Variants in ISG20L2 observed in about 807,000 individuals in gnomAD.
The protein encoded by ISG20L2 is interferon-stimulated 20 kDa exonuclease-like 2.
In ISG20L2, 14 loss-of-function variants were observed where a neutral mutation model predicts 27.8. The observed-to-expected ratio is 0.50, with a 90% CI of 0.33 to 0.79. The LOEUF (loss-of-function observed/expected upper bound fraction) is 0.79. Among genes scored for constraint, ISG20L2 ranks in the 30% least tolerant of loss-of-function variants. The pLI is 0.02. For missense variants in ISG20L2, 393 were observed against 435.1 expected, an observed-to-expected ratio of 0.90 and a Z score of 0.86; for synonymous variants, 157 against 165.7, an observed-to-expected ratio of 0.95 and a Z score of 0.40.
At chr1:156,724,432 T>TC in intron 2 of ISG20L2, 84 bp from the exon 3 acceptor site, 1 of 1,416,194 alleles carries the variant, frequency 7.1e-7, no homozygotes, top group Non-Finnish European at 9.5e-7. Flanking sequence ...TGACCATCAA[T>TC]CCCTTCTGGA....
Position 156,723,432 on chromosome 1 carries a change from C to T in ISG20L2, c.979G>A (p.Asp327Asn). The T allele has an allele frequency of 6.2e-7, 1 of 1,614,192 alleles. No homozygotes were observed. Among genetic ancestry groups the T allele is most frequent in the Non-Finnish European group, 8.5e-7 (1 of 1,180,026 alleles). The change falls in exon 4 of 4, where the codon GAT becomes AAT. Residue 327 changes from aspartate to asparagine, a missense_variant. Asp to Asn is a conservative substitution (Grantham distance 23). Transcript: ENST00000368219. ...VGKSGHSSVE[D>N]AQATMELYKL... ...TATAGCTCCATGGTGGCCTGGGCAT[C>T]TTCCACAGAGGAATGTCCGCTCTTC...
In ISG20L2 at chr1:156,727,786, T is replaced by C; in HGVS notation, c.-117-17A>G. On this transcript the variant is annotated splice_polypyrimidine_tract_variant and intron_variant, in intron 1 of 3. Coordinates refer to ENST00000368219, the MANE Select transcript of ISG20L2 (RefSeq NM_001370150.2). ...TAGTACACCCTGGGGAAGAAAGTGA[T>C]CCTGGTAATTGAGCTCCTAGGCCTG... The C allele has an allele frequency of 6.7e-7, 1 of 1,484,838 alleles. No homozygotes were observed. The allele number at this position is 1,484,838 out of a possible 1,614,324, so 92.0% of individuals were successfully genotyped here.
Position 156,727,702 on chromosome 1 carries a change from A to G in ISG20L2, c.-50T>C. ...AGTTGGGAAGAGTGGCTTATGGATGAAAAGAGGATGTGGGACTCATTCTCT... is the reference window on the plus strand; with the variant it reads ...AGTTGGGAAGAGTGGCTTATGGATGGAAAGAGGATGTGGGACTCATTCTCT... On this transcript the variant is annotated 5_prime_UTR_variant, in exon 2 of 4. Coordinates refer to ENST00000368219, the MANE Select transcript of ISG20L2 (RefSeq NM_001370150.2). 1.3e-6 allele frequency: 2 copies of G among 1,571,802 alleles called. No homozygotes were observed. The highest frequency in any genetic ancestry group is 1.7e-6 in the Non-Finnish European group (2 of 1,164,680).
At position 156,727,359 on chromosome 1, in the gene ISG20L2, C is replaced by T; in HGVS notation, c.294G>A (p.Val98=). Residue 98 remains valine, a synonymous_variant, in exon 2 of 4, where the codon GTG becomes GTA. Coordinates refer to ENST00000368219, the MANE Select transcript of ISG20L2 (RefSeq NM_001370150.2). ...TTGAAGGGGCAGGGGTCAACCAAGA[C>T]ACTGCAGCTTTCTTGTCCAGGGGCT... ...SGQPLDKKAA[V]SWLTPAPSKK... 1 of 1,614,220 alleles carries T rather than the reference C, an allele frequency of 6.2e-7. No individual in the cohort carries two copies. Among genetic ancestry groups the T allele is most frequent in the Admixed American group, 1.7e-5 (1 of 60,022 alleles).
At position 156,723,459 on chromosome 1, in the gene ISG20L2, C is replaced by T. The variant is rs746888212; in HGVS notation, c.952G>A (p.Gly318Arg). Residue 318 changes from glycine (G) to arginine (R), a missense_variant, in exon 4 of 4, where the codon GGG becomes AGG. Physicochemically the swap from Gly to Arg is moderately radical, Grantham distance 125. Around this residue, in one of 3 missense-constraint regions of ISG20L2, gnomAD observed 171 missense variants for 195.3 expected, o/e 0.88. Coordinates refer to ENST00000368219, the MANE Select transcript of ISG20L2 (RefSeq NM_001370150.2). ...TCCACAGAGGAATGTCCGCTCTTCC[C>T]AACCTGAGCAAGCAAGGAAGACAAG... ...KKLLNRDIQV[G>R]KSGHSSVEDA... The T allele has an allele frequency of 6.2e-7, 1 of 1,614,062 alleles. No individual in the cohort carries two copies. Among genetic ancestry groups the T allele is most frequent in the East Asian group, 2.2e-5 (1 of 44,884 alleles).
rs1400602612 is a variant in ISG20L2 at position 156,722,018 on chromosome 1, G to C, written c.*1331C>G. On this transcript the variant is annotated 3_prime_UTR_variant, in exon 4 of 4. Coordinates refer to ENST00000368219, the MANE Select transcript of ISG20L2 (RefSeq NM_001370150.2). ...AATTATTTTAAAACCTACCAACTGG[G>C]GCCTAAATGAAATAAACCCCCTATT... 1 of 152,002 alleles carries C rather than the reference G, an allele frequency of 6.6e-6. No individual in the cohort carries two copies. The highest frequency in any genetic ancestry group is 1.5e-5 in the Non-Finnish European group (1 of 68,012). 9.4% of individuals were successfully genotyped at this position (152,002 alleles called of 1,614,324 possible).
chr1:156,723,649 A>T, intron 3 of ISG20L2, 187 bp from the exon 4 acceptor site: 1 of 985,418 alleles, frequency 1.0e-6, no homozygotes, highest in Non-Finnish European at 1.2e-6. Flanking sequence ...ACTCCTAGGA[A>T]GTCTTTGCCA....
At chr1:156,723,846 G>T in intron 3 of ISG20L2, 1 of 1,259,710 alleles carries the variant, frequency 7.9e-7, no homozygotes, top group Non-Finnish European at 1.0e-6. Flanking sequence ...AATATAGCGT[G>T]TAAAATACGA....
Position 156,728,509 on chromosome 1 carries a change from T to C in ISG20L2, c.-212A>G. On this transcript the variant is annotated 5_prime_UTR_variant, in exon 1 of 4. Coordinates refer to ENST00000368219, the MANE Select transcript of ISG20L2 (RefSeq NM_001370150.2). The stretch of plus-strand genomic sequence containing the variant: ...AGCCCGGGAAGGCAGGCGCGCGGGT[T>C]AGAACGCGCCAGAGGTCGGCGCGCG... The C allele has an allele frequency of 1.0e-6, 1 of 985,464 alleles. No individual in the cohort carries two copies. The highest frequency in any genetic ancestry group is 1.2e-6 in the Non-Finnish European group (1 of 829,874). 61.0% of individuals were successfully genotyped at this position (985,464 alleles called of 1,614,324 possible).
intron 2 of ISG20L2, 179 bp downstream of exon 2, chr1:156,726,727 T>A: frequency 2.0e-6 from 2 of 985,444 alleles, no homozygotes; most frequent in Non-Finnish European, 2.4e-6. Context: ...CAGCTAATTG[T>A]ACCTTCCTGA....
At chr1:156,728,388 A>C in intron 1 of ISG20L2, 27 bp downstream of exon 1, 1 of 985,546 alleles carries the variant, frequency 1.0e-6, no homozygotes, top group Non-Finnish European at 1.2e-6. Flanking sequence ...CGCGGTACAG[A>C]TCGATCTCTC....
At position 156,727,468 on chromosome 1, in the gene ISG20L2, C is replaced by A; in HGVS notation, c.185G>T (p.Gly62Val). The change falls in exon 2 of 4, where the codon GGG becomes GTG. Residue 62 changes from glycine to valine, a missense_variant. By Grantham distance (109) the Gly-to-Val change is moderately radical. Coordinates refer to ENST00000368219, the MANE Select transcript of ISG20L2 (RefSeq NM_001370150.2). Reference sequence around the variant, plus strand: ...AGTGCCATCGACCGTAGGAGTTTCCCCTTTCTTTGAAGGTTCAGAGTGCAA... The same window carrying A: ...AGTGCCATCGACCGTAGGAGTTTCCACTTTCTTTGAAGGTTCAGAGTGCAA... Reference protein sequence around the residue: ...PKLHSEPSKKGETPTVDGTWK... With the variant: ...PKLHSEPSKKVETPTVDGTWK... The A allele has an allele frequency of 6.2e-7, 1 of 1,613,924 alleles. No individual in the cohort carries two copies. The highest frequency in any genetic ancestry group is 8.5e-7 in the Non-Finnish European group (1 of 1,179,986).
intron 2 of ISG20L2, chr1:156,726,534 C>T (rs1212202204): frequency 1.4e-6 from 1 of 738,604 alleles, no homozygotes; most frequent in South Asian, 6.0e-5. Context: ...GTAGCTGGGA[C>T]TACAGGCATG....
At position 156,726,070 on chromosome 1, in the gene ISG20L2, T is replaced by C. The variant is rs1345235568; in HGVS notation, c.747+836A>G. ...CTTTCCGTTCATGCCTTGCGCTCCA[T>C]GGCCAGCACAGGGCTAGGAGTGAGA... On this transcript the variant is annotated intron_variant, in intron 2 of 3. Transcript: ENST00000368219. The C allele has an allele frequency of 1.8e-5, 18 of 985,328 alleles. No homozygotes were observed. The East Asian group carries it at 1.8e-3, about 99-fold the overall frequency. The allele number at this position is 985,328 out of a possible 1,614,324, so 61.0% of individuals were successfully genotyped here.
Position 156,723,337 on chromosome 1 carries a change from T to C in ISG20L2, c.*12A>G. 4 of 1,614,034 alleles carry C rather than the reference T, an allele frequency of 2.5e-6. No individual in the cohort carries two copies. Among genetic ancestry groups the C allele is most frequent in the Non-Finnish European group, 2.5e-6 (3 of 1,179,994 alleles). Reference sequence around the variant, plus strand: ...CCTCTGCCTCCTCATATCACCAGCGTCCCCACTGCCACTAGTCTGTAGGGG... The same window carrying C: ...CCTCTGCCTCCTCATATCACCAGCGCCCCCACTGCCACTAGTCTGTAGGGG... On this transcript the variant is annotated 3_prime_UTR_variant, in exon 4 of 4. Coordinates refer to ENST00000368219, the MANE Select transcript of ISG20L2 (RefSeq NM_001370150.2).
In ISG20L2 at chr1:156,727,452, G is replaced by A. The variant is rs764448717; in HGVS notation, c.201C>T (p.Val67=). The change falls in exon 2 of 4, where the codon GTC becomes GTT. Residue 67 remains valine (V), a synonymous_variant. Coordinates refer to ENST00000368219, the MANE Select transcript of ISG20L2 (RefSeq NM_001370150.2). The part of the protein sequence containing the change: ...EPSKKGETPT[V]DGTWKTPSFP... The stretch of plus-strand genomic sequence containing the variant: ...AGGAAGGGGTCTTCCAAGTGCCATC[G>A]ACCGTAGGAGTTTCCCCTTTCTTTG... 3 of 1,613,874 alleles carry A rather than the reference G, an allele frequency of 1.9e-6. No homozygotes were observed. Among genetic ancestry groups the A allele is most frequent in the East Asian group, 2.2e-5 (1 of 44,888 alleles).
In ISG20L2 at chr1:156,723,104, G is replaced by A; in HGVS notation, c.*245C>T. The A allele has an allele frequency of 2.1e-6, 1 of 482,052 alleles. No individual in the cohort carries two copies. The allele number at this position is 482,052 out of a possible 1,614,324, so 29.9% of individuals were successfully genotyped here. ...GACACCTGTGGTTAGCACCATTTAA[G>A]AAGTAAAAGGTATAGGGTTGGGTTC... On this transcript the variant is annotated 3_prime_UTR_variant, in exon 4 of 4. Transcript: ENST00000368219.
At chr1:156,723,943 CT>C in intron 3 of ISG20L2, 8 of 1,308,360 alleles carry the variant, frequency 6.1e-6, no homozygotes, top group South Asian at 3.3e-5. Context: ...CTACTTAGGA[CT>C]TTTTCCCTTT....
At chr1:156,724,579 C>T in intron 2 of ISG20L2, 5 of 1,309,278 alleles carry the variant, frequency 3.8e-6, no homozygotes, top group Non-Finnish European at 4.9e-6. Flanking sequence ...CCAGTGGCTC[C>T]TTACCTTCTT....
Sources: gnomAD v4.1 joint callset for allele counts on GRCh38, gnomAD v4.1.1 for gene constraint, gnomAD v4.1.1 regional missense constraint, MANE v1.5 for transcripts, NCBI Gene and HGNC (gene_info 2026-07-23, HGNC 2026-07-21) for gene names.